DLGAP2: variants seen among roughly 807,000 people sequenced by gnomAD.
DLGAP2 encodes disks large-associated protein 2.
In DLGAP2, 26 loss-of-function variants were observed where a neutral mutation model predicts 100.3. The observed-to-expected ratio is 0.26, with a 90% confidence interval of 0.19 to 0.36. DLGAP2 has a LOEUF of 0.36. DLGAP2 is among the 10% of genes least tolerant of loss of function. The pLI, the probability that DLGAP2 is intolerant of heterozygous loss-of-function variation, is 1.00. For missense variants in DLGAP2, 1,858 were observed against 1,453.2 expected (o/e 1.28, Z -4.53); for synonymous variants, 886 against 630.1 (o/e 1.41, Z -6.08).
At chr8:1,581,455 T>C (rs1296397942) in intron 6 of DLGAP2, among the ~76,000 whole-genome samples, 1 of 136,922 alleles carries the variant, frequency 7.3e-6, no homozygotes, top group African/African-American at 2.9e-5. Context: ...AAGTGAAGGA[T>C]ACAGACAAAA....
At chr8:1,182,741 A>T (rs1210481373) in intron 2 of DLGAP2, among the ~76,000 whole-genome samples, 1 of 152,192 alleles carries the variant, frequency 6.6e-6, no homozygotes, top group African/African-American at 2.4e-5. Context: ...GCTCCAGCAC[A>T]TTCTGCAGAG....
At chr8:1,153,098 C>T (rs773115804) in intron 2 of DLGAP2, among the ~76,000 whole-genome samples, 3 of 152,148 alleles carry the variant, frequency 2.0e-5, no homozygotes, top group Non-Finnish European at 2.9e-5. Flanking sequence ...GAGGCCTTCT[C>T]CCCCTGCTTT....
chr8:1,115,655 G>C (rs1423470841), intron 2 of DLGAP2, among the ~76,000 whole-genome samples: 1 of 152,322 alleles, frequency 6.6e-6, no homozygotes, highest in Non-Finnish European at 1.5e-5. Context: ...CAATTCAGAG[G>C]ACGGAGGTGT....
At chr8:1,496,783 C>T (rs920301026) in intron 3 of DLGAP2, among the ~76,000 whole-genome samples, 3 of 152,066 alleles carry the variant, frequency 2.0e-5, no homozygotes, top group African/African-American at 4.8e-5. Flanking sequence ...AGGCGGCACC[C>T]GAGGCACCGC....
chr8:1,140,230 C>T (rs969015742), intron 2 of DLGAP2, among the ~76,000 whole-genome samples: 4 of 152,178 alleles, frequency 2.6e-5, no homozygotes, highest in African/African-American at 7.2e-5. Flanking sequence ...TCGTCCCGCT[C>T]TGCCGAGGGC....
intron 3 of DLGAP2, among the ~76,000 whole-genome samples, chr8:1,313,210 T>C (rs1800653186): frequency 6.6e-6 from 1 of 152,212 alleles, no homozygotes; most frequent in African/African-American, 2.4e-5. Flanking sequence ...GCAAAAGTTG[T>C]CTGTAAAGAG....
At chr8:796,792 C>T (rs1796045204) in intron 1 of DLGAP2, among the ~76,000 whole-genome samples, 1 of 152,226 alleles carries the variant, frequency 6.6e-6, no homozygotes, top group South Asian at 2.1e-4. Flanking sequence ...TCTGCAGCTA[C>T]ATCTCCACTG....
chr8:1,333,469 C>G (rs1801203508), intron 3 of DLGAP2, among the ~76,000 whole-genome samples: 1 of 152,144 alleles, frequency 6.6e-6, no homozygotes, highest in South Asian at 2.1e-4. Flanking sequence ...ATCAGATTGT[C>G]TAAATAGCGA....
chr8:1,568,850 C>A (rs1802532915), intron 6 of DLGAP2, among the ~76,000 whole-genome samples: 2 of 136,700 alleles, frequency 1.5e-5, no homozygotes, highest in Non-Finnish European at 3.2e-5. Context: ...CCTATGGCCC[C>A]CATGCCACTG....
At chr8:1,448,436 A>C (rs1246506704) in intron 3 of DLGAP2, among the ~76,000 whole-genome samples, 1 of 152,060 alleles carries the variant, frequency 6.6e-6, no homozygotes, top group Non-Finnish European at 1.5e-5. Flanking sequence ...GTTTGATTGC[A>C]CTGTGGTCTG....
chr8:999,738 C>G (rs992937715), intron 2 of DLGAP2, among the ~76,000 whole-genome samples: 1 of 152,188 alleles, frequency 6.6e-6, no homozygotes, highest in Non-Finnish European at 1.5e-5. Flanking sequence ...CTGGGCCTTC[C>G]GAAGTGCTGG....
rs1801007657 is a variant in DLGAP2, at chr8:1,532,163, C to T, written c.173-16463C>T. ...TTGAATAGAGTGGGAGGCAGGTTTG[C>T]CCTGAGCAGTTCCCAGCCTGATTTT... On this transcript the variant is annotated intron_variant, in intron 4 of 14. Coordinates refer to ENST00000637795, the MANE Select transcript of DLGAP2 (RefSeq NM_001346810.2). Among the ~76,000 whole-genome samples, 4 of 152,272 alleles carry T rather than the reference C, an allele frequency of 2.6e-5. No homozygotes were observed. The South Asian group carries it at 8.3e-4, about 32-fold the overall frequency.
In DLGAP2 at chr8:1,430,419, T is replaced by C. The variant is rs565696388; in HGVS notation, c.107-70947T>C. The stretch of plus-strand genomic sequence containing the variant: ...TACAAGGAAGTCATGCTGATGTTTC[T>C]TCAAGGTCGGTTTGATCAAATCACA... On this transcript the variant is annotated intron_variant, in intron 3 of 14. Transcript: ENST00000637795. 4.8e-3 allele frequency among the ~76,000 whole-genome samples: 736 copies of C among 152,278 alleles called. 6 individuals are homozygous for C. Among genetic ancestry groups the C allele is most frequent in the Non-Finnish European group, 8.0e-3 (547 of 68,018 alleles).
chr8:1,137,269 C>G (rs1229279372), intron 2 of DLGAP2: 1 of 152,528 alleles, frequency 6.6e-6, no homozygotes, highest in Admixed American at 6.5e-5. Flanking sequence ...TCACTCAAAA[C>G]CTCATTTAAC....
intron 3 of DLGAP2, among the ~76,000 whole-genome samples, chr8:1,500,963 G>A (rs1799701268): frequency 6.6e-6 from 1 of 152,170 alleles, no homozygotes. Flanking sequence ...TCTTTCTCAT[G>A]GGCGATGCAG....
chr8:1,142,356 A>T (rs71516155), intron 2 of DLGAP2, among the ~76,000 whole-genome samples: 3,526 of 152,316 alleles, frequency 0.023, 59 homozygotes, highest in Non-Finnish European at 0.032. Context: ...TTTAAATGTT[A>T]GAGAAAATGA....
At position 950,950 on chromosome 8, in the gene DLGAP2, C is replaced by A. The variant is rs369401211; in HGVS notation, c.73+42984C>A. On this transcript the variant is annotated intron_variant, in intron 2 of 14. Coordinates refer to ENST00000637795, the MANE Select transcript of DLGAP2 (RefSeq NM_001346810.2). ...TAGAATATTTCTTATATTAAAAGAT[C>A]GAGTGAAGCCAAGGAAAAATTCACC... is the stretch of plus-strand genomic sequence containing the variant. Among the ~76,000 whole-genome samples, 13 of 152,050 alleles carry A rather than the reference C, an allele frequency of 8.5e-5. No homozygotes were observed. The East Asian group carries it at 1.2e-3, about 14-fold the overall frequency.
At chr8:841,350 G>A (rs745546352) in intron 1 of DLGAP2, among the ~76,000 whole-genome samples, 1 of 152,186 alleles carries the variant, frequency 6.6e-6, no homozygotes, top group Non-Finnish European at 1.5e-5. Flanking sequence ...GCCAGTGGGG[G>A]CCTCTTCACT....
At chr8:1,435,741 G>C (rs759323534) in intron 3 of DLGAP2, among the ~76,000 whole-genome samples, 4 of 151,872 alleles carry the variant, frequency 2.6e-5, no homozygotes, top group Admixed American at 2.6e-4. Context: ...CTCCACGTCT[G>C]TCACCGCCAC....
Sources: allele counts gnomAD v4.1 joint callset (sites outside exome capture counted in the v4.1 genomes callset), GRCh38; gene constraint gnomAD v4.1.1; transcripts MANE v1.5; gene names NCBI Gene and HGNC (gene_info 2026-07-23, HGNC 2026-07-21).